The following RANBP17 variants were observed in gnomAD, a reference collection of about 807,000 sequenced individuals.
The protein encoded by RANBP17 is ran-binding protein 17.
Under a neutral mutation model 141.2 loss-of-function variants are expected in RANBP17, and 158 were observed. The observed-to-expected ratio is 1.12, with a 90% CI of 0.98 to 1.28. The LOEUF (loss-of-function observed/expected upper bound fraction) is 1.28, where lower values mean the gene tolerates loss of function less well. RANBP17 is among the 50% of genes most tolerant of loss of function. The pLI, the probability that RANBP17 is intolerant of heterozygous loss-of-function variation, is 0.00. For synonymous variants in RANBP17, 430 were observed against 450.0 expected (o/e 0.96, Z 0.56); for missense variants, 1,438 against 1,290.7 (o/e 1.11, Z -1.75).
chr5:170,898,115 G>A (rs556740654), intron 5 of RANBP17, among the ~76,000 whole-genome samples: 3 of 152,174 alleles, frequency 2.0e-5, no homozygotes, highest in Non-Finnish European at 2.9e-5. Flanking sequence ...GCTGGCGTGA[G>A]TTGCAGTCTT....
At chr5:171,096,753 A>G (rs1434002303) in intron 14 of RANBP17, among the ~76,000 whole-genome samples, 1 of 152,168 alleles carries the variant, frequency 6.6e-6, no homozygotes, top group Non-Finnish European at 1.5e-5. Context: ...AATTTTTTAT[A>G]TCTGTATGTA....
chr5:171,075,644 AC>A (rs1227572861), intron 14 of RANBP17, among the ~76,000 whole-genome samples: 1 of 152,148 alleles, frequency 6.6e-6, no homozygotes, highest in African/African-American at 2.4e-5. Context: ...CTGTGAATAT[AC>A]TAAAAGTCAC....
chr5:170,932,082 C>T (rs537632498), intron 12 of RANBP17, among the ~76,000 whole-genome samples: 4,603 of 151,930 alleles, frequency 0.03, 233 homozygotes, highest in African/African-American at 0.1. Flanking sequence ...TTTTATTTCA[C>T]TGAGCAGTGG....
chr5:171,020,609 T>C (rs1780780744), intron 14 of RANBP17, among the ~76,000 whole-genome samples: 1 of 151,922 alleles, frequency 6.6e-6, no homozygotes, highest in Non-Finnish European at 1.5e-5. Context: ...TTTTTTTTTC[T>C]TGCTTTCCAT....
At chr5:171,043,686 A>G (rs1782392521) in intron 14 of RANBP17, among the ~76,000 whole-genome samples, 1 of 152,130 alleles carries the variant, frequency 6.6e-6, no homozygotes, top group Non-Finnish European at 1.5e-5. Context: ...CCAATTCTCA[A>G]TTTCTTTATA....
At chr5:171,257,559 G>T (rs1243621366) in intron 24 of RANBP17, among the ~76,000 whole-genome samples, 1 of 152,140 alleles carries the variant, frequency 6.6e-6, no homozygotes, top group African/African-American at 2.4e-5. Flanking sequence ...GTCCTAGCCA[G>T]AGCAGTGAGG....
chr5:170,986,037 A>G (rs1380720829), intron 14 of RANBP17, among the ~76,000 whole-genome samples: 2 of 152,124 alleles, frequency 1.3e-5, no homozygotes, highest in East Asian at 3.8e-4. Flanking sequence ...TAATTTATAA[A>G]TAAAGTTACC....
chr5:171,157,132 G>A (rs1758960160), intron 14 of RANBP17, among the ~76,000 whole-genome samples: 1 of 152,120 alleles, frequency 6.6e-6, no homozygotes, highest in East Asian at 1.9e-4. Flanking sequence ...TTCAGCATTG[G>A]CTGTTGTGAT....
At chr5:171,295,292 C>T (rs949775219) in intron 26 of RANBP17, among the ~76,000 whole-genome samples, 35 of 152,086 alleles carry the variant, frequency 2.3e-4, no homozygotes, top group African/African-American at 8.5e-4. Context: ...TGTGAGCAGG[C>T]CTGACAGACA....
At chr5:171,196,956 G>C (rs572812542) in intron 18 of RANBP17, among the ~76,000 whole-genome samples, 1 of 152,232 alleles carries the variant, frequency 6.6e-6, no homozygotes, top group African/African-American at 2.4e-5. Context: ...TCCCAGCTAA[G>C]CTTAGATAAA....
At chr5:170,999,769 T>G (rs1178555760) in intron 14 of RANBP17, among the ~76,000 whole-genome samples, 1 of 152,208 alleles carries the variant, frequency 6.6e-6, no homozygotes, top group Non-Finnish European at 1.5e-5. Flanking sequence ...ATTTACTATC[T>G]TAACCATTTT....
At chr5:171,174,217 C>T (rs887089994) in intron 16 of RANBP17, among the ~76,000 whole-genome samples, 7 of 152,090 alleles carry the variant, frequency 4.6e-5, no homozygotes, top group Non-Finnish European at 7.4e-5. Context: ...GTTTAACATA[C>T]TCTTTATATT....
At chr5:171,277,637 G>GTGTGTGTGTATATATATATA (rs1437482589) in intron 25 of RANBP17, among the ~76,000 whole-genome samples, 14 of 56,904 alleles carry the variant, frequency 2.5e-4, no homozygotes, top group African/African-American at 8.1e-4. Context: ...ATATATGTAT[G>GTGTGTGTGTATATATATATA]TATATATATA....
intron 14 of RANBP17, among the ~76,000 whole-genome samples, chr5:171,141,433 A>G (rs929576297): frequency 5.3e-5 from 6 of 112,752 alleles, no homozygotes; most frequent in Non-Finnish European, 1.1e-4. Context: ...CATCTCTACT[A>G]AAAAAAAAAA....
chr5:171,226,564 A>T lies in RANBP17; in HGVS notation c.2422+4724A>T, dbSNP rs376023318. On this transcript the variant is annotated intron_variant, in intron 22 of 27. Coordinates refer to ENST00000523189, the MANE Select transcript of RANBP17 (RefSeq NM_022897.5). Reference sequence around the variant, plus strand: ...AAATTGAATTTGTAAAGTGTTATACAAGCCACTGTTATTCGTCACCACCTA... The same window carrying T: ...AAATTGAATTTGTAAAGTGTTATACTAGCCACTGTTATTCGTCACCACCTA... Among the ~76,000 whole-genome samples, 183 of 152,310 alleles carry T rather than the reference A, an allele frequency of 1.2e-3. 6 individuals are homozygous for T. The South Asian group carries it at 0.037, about 30-fold the overall frequency.
intron 25 of RANBP17, among the ~76,000 whole-genome samples, chr5:171,284,939 T>C (rs1400409219): frequency 1.3e-5 from 2 of 152,140 alleles, no homozygotes; most frequent in Non-Finnish European, 2.9e-5. Flanking sequence ...CTTCATGTAT[T>C]AGCCCAAACT....
At chr5:170,924,324 A>G (rs779124771) in intron 11 of RANBP17, 33 bp from the exon 12 acceptor site, 3 of 1,426,724 alleles carry the variant, frequency 2.1e-6, no homozygotes, top group Non-Finnish European at 2.9e-6. Context: ...TTCACATTCT[A>G]ATGTTGTCTG....
chr5:171,129,456 C>G (rs1756741786), intron 14 of RANBP17, among the ~76,000 whole-genome samples: 2 of 152,148 alleles, frequency 1.3e-5, no homozygotes, highest in Non-Finnish European at 2.9e-5. Context: ...CCAACCCATC[C>G]CTGTATTGCC....
In RANBP17 at chr5:171,242,552, C is replaced by T. The variant is rs1764945789; in HGVS notation, c.2638-130C>T. Reference sequence around the variant, plus strand: ...ATTGGGACTCATTATGTCATTTGCTCTATATATTTATTGACCTTGTGTTTA... The same window carrying T: ...ATTGGGACTCATTATGTCATTTGCTTTATATATTTATTGACCTTGTGTTTA... On this transcript the variant is annotated intron_variant, in intron 23 of 27. Coordinates refer to ENST00000523189, the MANE Select transcript of RANBP17 (RefSeq NM_022897.5). 12 of 916,820 alleles carry T rather than the reference C, an allele frequency of 1.3e-5. 1 individual carries two copies. The South Asian group carries it at 1.9e-4, about 15-fold the overall frequency. The allele number at this position is 916,820 out of a possible 1,614,324, so 56.8% of individuals were successfully genotyped here. A position where few individuals can be genotyped will look rare whatever the true frequency, so the allele number is the denominator to read the frequency against.
Sources: allele counts gnomAD v4.1 joint callset (sites outside exome capture counted in the v4.1 genomes callset), GRCh38; gene constraint gnomAD v4.1.1; transcripts MANE v1.5; gene names NCBI Gene and HGNC (gene_info 2026-07-23, HGNC 2026-07-21).